The following XYLT1 variants were observed in gnomAD, a reference collection of about 807,000 sequenced individuals.
XYLT1 encodes xylosyltransferase 1, also known as beta-D-xylosyltransferase 1.
A neutral mutation model predicts 91.3 loss-of-function variants in XYLT1; 36 were observed. The ratio of observed to expected loss-of-function variants is 0.39; its 90% CI spans 0.30 to 0.52. The LOEUF (loss-of-function observed/expected upper bound fraction) is 0.52. XYLT1 is among the 20% of genes least tolerant of loss of function. The probability of loss-of-function intolerance (pLI) is 0.68; values close to 1 mark genes in which losing one functional copy is unlikely to be tolerated. For missense variants in XYLT1, 1,242 were observed against 1,284.5 expected (o/e 0.97, Z 0.51); for synonymous variants, 588 against 532.0 (o/e 1.11, Z -1.45).
chr16:17,287,790 A>G (rs1021496907), intron 2 of XYLT1, among the ~76,000 whole-genome samples: 6 of 152,226 alleles, frequency 3.9e-5, no homozygotes, highest in African/African-American at 1.4e-4. Context: ...GACGCTGGGC[A>G]TCTAAAGAAG....
chr16:17,293,394 A>G (rs1178368673), intron 2 of XYLT1, among the ~76,000 whole-genome samples: 1 of 151,958 alleles, frequency 6.6e-6, no homozygotes, highest in Non-Finnish European at 1.5e-5. Context: ...GGACAGTGGT[A>G]CCAATTAAAT....
intron 2 of XYLT1, among the ~76,000 whole-genome samples, chr16:17,280,296 G>T (rs2034038276): frequency 6.6e-6 from 1 of 152,314 alleles, no homozygotes; most frequent in South Asian, 2.1e-4. Flanking sequence ...GTTGCAGTGA[G>T]CCAAGATCGT....
intron 1 of XYLT1, among the ~76,000 whole-genome samples, chr16:17,408,891 A>C (rs1037169241): frequency 1.3e-5 from 2 of 152,062 alleles, no homozygotes; most frequent in African/African-American, 4.8e-5. Flanking sequence ...CGAGTGTTAG[A>C]TATTGGTGGG....
chr16:17,200,431 G>A (rs753082594), intron 4 of XYLT1, 51 bp downstream of exon 4: 30 of 1,587,310 alleles, frequency 1.9e-5, no homozygotes, highest in Middle Eastern at 1.7e-4. Context: ...AGGGAGGGAC[G>A]GACAGACCCC....
intron 2 of XYLT1, among the ~76,000 whole-genome samples, chr16:17,356,661 T>C (rs2035298983): frequency 1.3e-5 from 2 of 152,200 alleles, no homozygotes; most frequent in Admixed American, 6.5e-5. Context: ...CCAGAAACCC[T>C]TGAAATCGCT....
chr16:17,385,096 A>T (rs927977296), intron 1 of XYLT1, among the ~76,000 whole-genome samples: 1 of 151,780 alleles, frequency 6.6e-6, no homozygotes, highest in African/African-American at 2.4e-5. Context: ...ATTTACTCCC[A>T]AAGAGGAGAT....
rs1193078932 is a variant in XYLT1 at position 17,286,957 on chromosome 16, C to A, written c.403-27459G>T. ...GAGGTCAAACCCACCAAACACCACC[C>A]AGCCAAGGCCACGATCATTCACTGA... On this transcript the variant is annotated intron_variant, in intron 2 of 11. Transcript: ENST00000261381. Among the ~76,000 whole-genome samples, 2 of 152,226 alleles carry A rather than the reference C, an allele frequency of 1.3e-5. 1 individual carries two copies. Among genetic ancestry groups the A allele is most frequent in the South Asian group, 4.2e-4 (2 of 4,812 alleles).
At chr16:17,357,921 C>T in intron 2 of XYLT1, 91 bp downstream of exon 2, 1 of 1,424,500 alleles carries the variant, frequency 7.0e-7, no homozygotes, top group East Asian at 2.3e-5. Context: ...AGCCATGGGC[C>T]TGTCCAGCCT....
At chr16:17,189,129 A>T (rs2141577293) in intron 5 of XYLT1, among the ~76,000 whole-genome samples, 1 of 152,312 alleles carries the variant, frequency 6.6e-6, no homozygotes, top group African/African-American at 2.4e-5. Flanking sequence ...GGCTGACCTA[A>T]GCACTTTCCT....
intron 1 of XYLT1, among the ~76,000 whole-genome samples, chr16:17,380,359 C>T (rs746801329): frequency 6.6e-6 from 1 of 152,046 alleles, no homozygotes; most frequent in East Asian, 1.9e-4. Context: ...ATTTAGCAGA[C>T]GAAGCAGTTG....
At chr16:17,236,992 T>C (rs1434727167) in intron 3 of XYLT1, among the ~76,000 whole-genome samples, 1 of 152,152 alleles carries the variant, frequency 6.6e-6, no homozygotes, top group African/African-American at 2.4e-5. Flanking sequence ...TACTTAGCAA[T>C]TGAGTATAGG....
chr16:17,303,685 A>G (rs190254042), intron 2 of XYLT1, among the ~76,000 whole-genome samples: 64 of 152,308 alleles, frequency 4.2e-4, no homozygotes, highest in African/African-American at 1.5e-3. Flanking sequence ...AAGAGGAGGA[A>G]TCATTTCACG....
chr16:17,242,015 A>G (rs1255100175), intron 3 of XYLT1, among the ~76,000 whole-genome samples: 2 of 152,174 alleles, frequency 1.3e-5, no homozygotes, highest in Admixed American at 1.3e-4. Context: ...TCAGCTGGGG[A>G]ACTCCTCTTT....
chr16:17,304,802 C>T (rs2034448189), intron 2 of XYLT1, among the ~76,000 whole-genome samples: 1 of 152,168 alleles, frequency 6.6e-6, no homozygotes, highest in Admixed American at 6.5e-5. Flanking sequence ...ACTCTCAAAG[C>T]ATTCAAGATA....
At chr16:17,113,464 G>C (rs1009615216) in intron 11 of XYLT1, among the ~76,000 whole-genome samples, 1 of 152,142 alleles carries the variant, frequency 6.6e-6, no homozygotes, top group African/African-American at 2.4e-5. Flanking sequence ...TTTTGTCCAC[G>C]GTTCTTGGCT....
At chr16:17,200,063 AT>A (rs555247414) in intron 4 of XYLT1, among the ~76,000 whole-genome samples, 2,348 of 151,994 alleles carry the variant, frequency 0.015, 61 homozygotes, top group African/African-American at 0.054. Flanking sequence ...TCTACTAAAA[AT>A]ACAAAAATTA....
chr16:17,360,875 G>A (rs954728252), intron 1 of XYLT1, among the ~76,000 whole-genome samples: 16 of 152,208 alleles, frequency 1.1e-4, no homozygotes, highest in South Asian at 2.1e-4. Context: ...GTGCGTGCAC[G>A]CTACAGTGGA....
At chr16:17,182,096 T>C (rs894247290) in intron 5 of XYLT1, among the ~76,000 whole-genome samples, 1 of 152,206 alleles carries the variant, frequency 6.6e-6, no homozygotes, top group Non-Finnish European at 1.5e-5. Context: ...ATGGGTAGCA[T>C]GGTCATGCCC....
chr16:17,209,423 T>C (rs1198465002), intron 3 of XYLT1, among the ~76,000 whole-genome samples: 1 of 152,102 alleles, frequency 6.6e-6, no homozygotes, highest in Non-Finnish European at 1.5e-5. Context: ...TGAATGGCTT[T>C]CACCTTTTGG....
Sources: allele counts gnomAD v4.1 joint callset (sites outside exome capture counted in the v4.1 genomes callset), GRCh38; gene constraint gnomAD v4.1.1; transcripts MANE v1.5; gene names NCBI Gene and HGNC (gene_info 2026-07-23, HGNC 2026-07-21).